The following ARSB variants were observed in gnomAD, a reference collection of about 807,000 sequenced individuals.
ARSB encodes the protein N-acetylgalactosamine-4-sulfatase.
In ARSB, 41 loss-of-function variants were observed where a neutral mutation model predicts 50.9. The observed-to-expected ratio is 0.81, with a 90% confidence interval of 0.63 to 1.04. The LOEUF (loss-of-function observed/expected upper bound fraction) is 1.04, where lower values mean the gene tolerates loss of function less well. Ranked by LOEUF, ARSB falls within the 50% of genes least tolerant of loss-of-function variation. ARSB has a pLI of 0.00. For missense variants in ARSB, 672 were observed against 693.3 expected (o/e 0.97, Z 0.35); for synonymous variants, 269 against 284.8 (o/e 0.94, Z 0.56).
intron 4 of ARSB, among the ~76,000 whole-genome samples, chr5:78,915,618 C>T (rs574577037): frequency 6.6e-6 from 1 of 152,268 alleles, no homozygotes; most frequent in East Asian, 1.9e-4. Context: ...TCTAAGTGGA[C>T]ACTACAGGTT....
At chr5:78,857,046 C>T (rs1456248910) in intron 5 of ARSB, among the ~76,000 whole-genome samples, 1 of 151,990 alleles carries the variant, frequency 6.6e-6, no homozygotes, top group East Asian at 1.9e-4. Flanking sequence ...CAACAAAAGC[C>T]CTTTTATTGT....
intron 6 of ARSB, among the ~76,000 whole-genome samples, chr5:78,833,418 T>A (rs1744783257): frequency 6.6e-6 from 1 of 152,066 alleles, no homozygotes; most frequent in South Asian, 2.1e-4. Flanking sequence ...AAGAGAAGGG[T>A]ACTATCTGAA....
chr5:78,847,447 GTTGCT>G (rs1745498081), intron 5 of ARSB, among the ~76,000 whole-genome samples: 1 of 152,124 alleles, frequency 6.6e-6, no homozygotes, highest in Non-Finnish European at 1.5e-5. Flanking sequence ...TTTTTAATGT[GTTGCT>G]GGATTCAGTT....
chr5:78,868,792 G>T (rs1208548104), intron 5 of ARSB, among the ~76,000 whole-genome samples: 1 of 141,208 alleles, frequency 7.1e-6, no homozygotes. Context: ...ATAATGACAG[G>T]ATCAAATTCA....
intron 5 of ARSB, among the ~76,000 whole-genome samples, chr5:78,843,112 T>C (rs1436498708): frequency 6.6e-6 from 1 of 152,202 alleles, no homozygotes; most frequent in Non-Finnish European, 1.5e-5. Flanking sequence ...ATGATTCCAA[T>C]GTGCAGCCAA....
At chr5:78,972,543 A>ACACACACACACACACACACACACACACC (rs1361695118) in intron 1 of ARSB, among the ~76,000 whole-genome samples, 1 of 150,302 alleles carries the variant, frequency 6.7e-6, no homozygotes, top group African/African-American at 2.5e-5. Context: ...ACACACACAC[A>ACACACACACACACACACACACACACACC]CCCCAAATCA....
chr5:78,867,376 A>T (rs201383915), intron 5 of ARSB, among the ~76,000 whole-genome samples: 34,881 of 151,810 alleles, frequency 0.23, 4,780 homozygotes, highest in Admixed American at 0.31. Context: ...GGCACAGACA[A>T]ACAAAAAGAC....
In ARSB at chr5:78,907,019, TTTC is replaced by T. The variant is rs779039641; in HGVS notation, c.899-21195_899-21193del. Among the ~76,000 whole-genome samples, 292 of 152,298 alleles carry T rather than the reference TTTC, an allele frequency of 1.9e-3. 1 individual carries two copies. The highest frequency in any genetic ancestry group is 6.8e-3 in the Middle Eastern group (2 of 294). On this transcript the variant is annotated intron_variant, in intron 4 of 7. Coordinates refer to ENST00000264914, the MANE Select transcript of ARSB (RefSeq NM_000046.5). Reference sequence around the variant, plus strand: ...CAGGGGTTCAACACATGGTCCCTGCTTTCGAGGGAGGCAACATCCACAGAAAGC... The same window carrying T: ...CAGGGGTTCAACACATGGTCCCTGCTGAGGGAGGCAACATCCACAGAAAGC...
At chr5:78,958,005 T>TA (rs1320860038) in intron 3 of ARSB, among the ~76,000 whole-genome samples, 4 of 151,832 alleles carry the variant, frequency 2.6e-5, no homozygotes, top group Admixed American at 6.6e-5. Flanking sequence ...TGTTTTTATA[T>TA]AAAAAAACTT....
At chr5:78,875,503 G>T (rs1019331270) in intron 5 of ARSB, among the ~76,000 whole-genome samples, 5 of 151,954 alleles carry the variant, frequency 3.3e-5, no homozygotes, top group African/African-American at 1.2e-4. Flanking sequence ...CTACTGGTGA[G>T]TATTATTATA....
At chr5:78,826,868 G>C (rs1744452069) in intron 6 of ARSB, among the ~76,000 whole-genome samples, 1 of 152,176 alleles carries the variant, frequency 6.6e-6, no homozygotes, top group Non-Finnish European at 1.5e-5. Context: ...GCAGGTAACA[G>C]GGCAGAATGG....
chr5:78,810,983 A>C (rs1386987405), intron 6 of ARSB, among the ~76,000 whole-genome samples: 1 of 152,226 alleles, frequency 6.6e-6, no homozygotes, highest in Non-Finnish European at 1.5e-5. Flanking sequence ...GAAAATTCAG[A>C]TCCTACAATG....
intron 5 of ARSB, among the ~76,000 whole-genome samples, chr5:78,841,622 C>A (rs565179614): frequency 6.6e-6 from 1 of 152,168 alleles, no homozygotes; most frequent in African/African-American, 2.4e-5. Flanking sequence ...CACTGTAATA[C>A]CCCAAAATAT....
intron 6 of ARSB, among the ~76,000 whole-genome samples, chr5:78,804,179 A>G (rs1376840618): frequency 6.6e-6 from 1 of 152,034 alleles, no homozygotes; most frequent in Non-Finnish European, 1.5e-5. Flanking sequence ...AGGATTTGCA[A>G]CTGCTCACTG....
At chr5:78,945,047 G>A (rs1395101003) in intron 4 of ARSB, among the ~76,000 whole-genome samples, 2 of 152,154 alleles carry the variant, frequency 1.3e-5, no homozygotes, top group Non-Finnish European at 2.9e-5. Flanking sequence ...AGCAATGAGC[G>A]AGGCTCCATG....
chr5:78,783,160 A>T (rs575138805), intron 6 of ARSB, among the ~76,000 whole-genome samples: 6 of 152,322 alleles, frequency 3.9e-5, no homozygotes, highest in African/African-American at 1.4e-4. Flanking sequence ...CACAGCAATC[A>T]TCTTGGGATC....
intron 5 of ARSB, among the ~76,000 whole-genome samples, chr5:78,868,667 A>G (rs1321641400): frequency 6.7e-6 from 1 of 149,208 alleles, no homozygotes; most frequent in African/African-American, 2.5e-5. Flanking sequence ...AGGAAGCACT[A>G]AACATGGAAA....
intron 4 of ARSB, among the ~76,000 whole-genome samples, chr5:78,941,720 C>G (rs902191725): frequency 2.0e-5 from 3 of 152,186 alleles, no homozygotes; most frequent in South Asian, 2.1e-4. Context: ...CAATGTTCAT[C>G]AAGGATATTG....
At chr5:78,892,290 C>T (rs551681609) in intron 4 of ARSB, among the ~76,000 whole-genome samples, 1 of 121,492 alleles carries the variant, frequency 8.2e-6, no homozygotes, top group South Asian at 2.9e-4. Flanking sequence ...GTGTCTCACT[C>T]TGTCTCCCAG....
Sources: gnomAD v4.1 joint callset for allele counts (sites outside exome capture counted in the v4.1 genomes callset) on GRCh38, gnomAD v4.1.1 for gene constraint, MANE v1.5 for transcripts, NCBI Gene and HGNC (gene_info 2026-07-23, HGNC 2026-07-21) for gene names.